Variants in RABGGTB observed in about 807,000 individuals in gnomAD.
RABGGTB encodes the protein Rab geranylgeranyltransferase subunit beta.
RABGGTB carries 20 observed loss-of-function variants against 44.5 expected under a neutral mutation model. The observed-to-expected ratio is 0.45, with a 90% CI of 0.32 to 0.65. The LOEUF is 0.65. Among genes scored for constraint, RABGGTB ranks in the 30% least tolerant of loss-of-function variants. RABGGTB has a pLI of 0.05. For synonymous variants in RABGGTB, 128 were observed against 136.7 expected, an observed-to-expected ratio of 0.94 and a Z score of 0.44; for missense variants, 302 against 398.7, an observed-to-expected ratio of 0.76 and a Z score of 2.06.
rs1649721997 is a variant in RABGGTB, at chr1:75,794,502, T to C, written c.856-8T>C. On this transcript the variant is annotated splice_region_variant and splice_polypyrimidine_tract_variant and intron_variant, in intron 8 of 8. Transcript: ENST00000319942. ...TTGTGATCTGTATATAAATTCTTTT[T>C]TAAATAGGTGGATCCTTTTCATACC... 2 of 1,607,494 alleles carry C rather than the reference T, an allele frequency of 1.2e-6. No homozygotes were observed. Among genetic ancestry groups the C allele is most frequent in the East Asian group, 4.5e-5 (2 of 44,788 alleles).
rs1455197365 is a variant in RABGGTB, at chr1:75,791,343, C to T, written c.468+6C>T. On this transcript the variant is annotated splice_donor_region_variant and intron_variant, in intron 5 of 8. Coordinates refer to ENST00000319942, the MANE Select transcript of RABGGTB (RefSeq NM_004582.4). ...TGGCAACTTTGGCTTTGTTGGTAAG[C>T]TTTGAATATTTGATTGAAATGATTA... 6.2e-7 allele frequency: 1 copy of T among 1,605,468 alleles called. No homozygotes were observed. Among genetic ancestry groups the T allele is most frequent in the Admixed American group, 1.7e-5 (1 of 59,782 alleles).
At chr1:75,791,422 A>G (rs371312491) in intron 5 of RABGGTB, 39 bp from the exon 6 acceptor site, 2 of 1,574,986 alleles carry the variant, frequency 1.3e-6, no homozygotes, top group South Asian at 1.1e-5. Flanking sequence ...TCTGCTGAAT[A>G]CTCTGGAATT....
At chr1:75,788,441 C>G (rs186241659) in intron 2 of RABGGTB, 3 of 154,648 alleles carry the variant, frequency 1.9e-5, no homozygotes, top group Non-Finnish European at 4.3e-5. Flanking sequence ...CAGGCACATT[C>G]CACCATGCCC....
intron 7 of RABGGTB, among the ~76,000 whole-genome samples, chr1:75,793,119 A>G (rs920723606): frequency 6.7e-6 from 1 of 148,532 alleles, no homozygotes; most frequent in Non-Finnish European, 1.5e-5. Context: ...ACCCAGGACT[A>G]TATTTAAATG....
rs1649478411 is a variant in RABGGTB, at chr1:75,786,422, T to C, written c.3+148T>C. ...CTTGGAAGGTTTTTTGAGTGTGAAA[T>C]ATTACTCAGCGTTTTCTGCAGACCT... On this transcript the variant is annotated intron_variant, in intron 1 of 8. Transcript: ENST00000319942. The C allele has an allele frequency of 2.6e-6, 3 of 1,173,882 alleles. No individual in the cohort carries two copies. In the Admixed American group the frequency reaches 5.9e-5, roughly 23 times the overall value. The allele number at this position is 1,173,882 out of a possible 1,614,324, so 72.7% of individuals were successfully genotyped here. A position where few individuals can be genotyped will look rare whatever the true frequency, so the allele number is the denominator to read the frequency against.
chr1:75,791,953 A>C, intron 6 of RABGGTB: 1 of 451,698 alleles, frequency 2.2e-6, no homozygotes, highest in Non-Finnish European at 4.0e-6. Flanking sequence ...GCTGTGAAAT[A>C]CTAGCCATGA....
intron 1 of RABGGTB, chr1:75,786,977 T>C (rs766718607): frequency 5.5e-5 from 24 of 436,880 alleles, no homozygotes; most frequent in Middle Eastern, 7.0e-4. Context: ...TAAGTTGTCC[T>C]GAAATGATAA....
At chr1:75,793,988 G>C (rs1423517008) in intron 7 of RABGGTB, 96 bp from the exon 8 acceptor site, 3 of 980,920 alleles carry the variant, frequency 3.1e-6, no homozygotes, top group East Asian at 4.7e-5. Flanking sequence ...TTGAACATCA[G>C]ATTACCTAAG....
Position 75,794,642 on chromosome 1 carries a change from G to A in RABGGTB, c.988G>A (p.Val330Met), listed in dbSNP as rs1234404599. ...GAGAGTGAATGTTCAGCCTGAGCTA[G>A]TGAGCTAGATTCATTGAATTGAAAG... ...LQRVNVQPEL[V>M]S Residue 330 changes from valine to methionine, a missense_variant, in exon 9 of 9, where the codon GTG becomes ATG. Physicochemically the swap from Val to Met is conservative, Grantham distance 21. Transcript: ENST00000319942. 2 of 1,605,352 alleles carry A rather than the reference G, an allele frequency of 1.2e-6. No individual in the cohort carries two copies. The highest frequency in any genetic ancestry group is 2.2e-5 in the South Asian group (2 of 89,290).
At chr1:75,790,141 CATCTTTTCA>C in intron 4 of RABGGTB, 84 bp downstream of exon 4, 1 of 1,575,960 alleles carries the variant, frequency 6.3e-7, no homozygotes, top group African/African-American at 1.4e-5. Context: ...ATAAGTTTTT[CATCTTTTCA>C]GGTCCCACTA....
chr1:75,791,860 AAC>A (rs779493739), intron 6 of RABGGTB: 7 of 416,476 alleles, frequency 1.7e-5, no homozygotes, highest in South Asian at 1.3e-4. Context: ...TAAAAAAAAA[AAC>A]AACACATTTT....
intron 4 of RABGGTB, chr1:75,790,425 C>A: frequency 1.8e-6 from 2 of 1,115,920 alleles, no homozygotes; most frequent in African/African-American, 1.6e-5. Flanking sequence ...ATTTGATAAA[C>A]GTAGATAATC....
At position 75,794,146 on chromosome 1, in the gene RABGGTB, T is replaced by C. The variant is rs762102774; in HGVS notation, c.768T>C (p.His256=). 9 of 1,613,894 alleles carry C rather than the reference T, an allele frequency of 5.6e-6. No homozygotes were observed. The highest frequency in any genetic ancestry group is 1.7e-4 in the Middle Eastern group (1 of 6,060). Residue 256 remains histidine (H), a synonymous_variant, in exon 8 of 9, where the codon CAT becomes CAC. Coordinates refer to ENST00000319942, the MANE Select transcript of RABGGTB (RefSeq NM_004582.4). ...LASLKIIGRL[H]WIDREKLRNF... ...CCCTAAAGATAATTGGAAGACTTCA[T>C]TGGATTGATAGAGAGAAACTGCGTA... is the stretch of plus-strand genomic sequence containing the variant.
Position 75,790,020 on chromosome 1 carries a change from A to G in RABGGTB, c.378A>G (p.Leu126=), listed in dbSNP as rs182467474. ...AAGTTGTGGAATATGTTAAAGGTCTACAGAAAGAAGATGGTTCTTTTGCTG... is the reference window on the plus strand; with the variant it reads ...AAGTTGTGGAATATGTTAAAGGTCTGCAGAAAGAAGATGGTTCTTTTGCTG... ...VNKVVEYVKG[L]QKEDGSFAGD... is the part of the protein sequence containing the mutation. The change falls in exon 4 of 9, where the codon CTA becomes CTG. Residue 126 remains leucine, a synonymous_variant. Transcript: ENST00000319942. The G allele has an allele frequency of 2.0e-5, 33 of 1,613,282 alleles. No homozygotes were observed. In the East Asian group the frequency reaches 4.7e-4, roughly 23 times the overall value.
Position 75,791,284 on chromosome 1 carries a change from G to A in RABGGTB, c.416-1G>A. The A allele has an allele frequency of 6.2e-7, 1 of 1,607,820 alleles. No individual in the cohort carries two copies. The highest frequency in any genetic ancestry group is 8.5e-7 in the Non-Finnish European group (1 of 1,174,344). ...CTTGATTTGATCTATTTTTATTGTA[G>A]GAGAAATTGACACAAGATTCTCTTT... On this transcript the variant is annotated splice_acceptor_variant, in intron 4 of 8. Coordinates refer to ENST00000319942, the MANE Select transcript of RABGGTB (RefSeq NM_004582.4). LOFTEE classifies it high-confidence loss of function.
intron 4 of RABGGTB, 37 bp downstream of exon 4, chr1:75,790,094 A>G (rs1343051238): frequency 2.5e-6 from 4 of 1,606,650 alleles, no homozygotes; most frequent in Admixed American, 3.5e-5. Context: ...CCAAAATACC[A>G]ATATTAAAAT....
chr1:75,794,025 G>A, intron 7 of RABGGTB, 59 bp from the exon 8 acceptor site: 1 of 864,342 alleles, frequency 1.2e-6, no homozygotes, highest in East Asian at 2.3e-5. Flanking sequence ...CTTTTAAATT[G>A]TTCTCAAAAT....
In RABGGTB at chr1:75,789,878, T is replaced by TA. The variant is rs1395453240; in HGVS notation, c.310-69dup. On this transcript the variant is annotated intron_variant, in intron 3 of 8. Coordinates refer to ENST00000319942, the MANE Select transcript of RABGGTB (RefSeq NM_004582.4). Reference sequence around the variant, plus strand: ...AGACAAAAGGATGTGCTTGACAACTTAAAAAGAGTTGAGCATAAGATCATT... The same window carrying TA: ...AGACAAAAGGATGTGCTTGACAACTTAAAAAAGAGTTGAGCATAAGATCATT... 9.7e-6 allele frequency: 11 copies of TA among 1,133,358 alleles called. No homozygotes were observed. In the South Asian group the frequency reaches 1.3e-4, roughly 14 times the overall value. The allele number at this position is 1,133,358 out of a possible 1,614,324, so 70.2% of individuals were successfully genotyped here.
intron 7 of RABGGTB, among the ~76,000 whole-genome samples, chr1:75,792,616 T>G (rs1315256793): frequency 6.6e-6 from 1 of 152,156 alleles, no homozygotes; most frequent in Non-Finnish European, 1.5e-5. Flanking sequence ...GTTTGCAATC[T>G]TCTTATTTAA....
Sources: gnomAD v4.1 joint callset for allele counts (sites outside exome capture counted in the v4.1 genomes callset) on GRCh38, gnomAD v4.1.1 for gene constraint, MANE v1.5 for transcripts, NCBI Gene and HGNC (gene_info 2026-07-23, HGNC 2026-07-21) for gene names.